The following LRP1B variants were observed in gnomAD, a reference collection of about 807,000 sequenced individuals.
LRP1B encodes LDL receptor related protein 1B.
Under a neutral mutation model 556.6 loss-of-function variants are expected in LRP1B, and 217 were observed. The ratio of observed to expected loss-of-function variants is 0.39; its 90% CI spans 0.35 to 0.44. The LOEUF (loss-of-function observed/expected upper bound fraction) is 0.44, where lower values mean the gene tolerates loss of function less well. Ranked by LOEUF, LRP1B falls within the 20% of genes least tolerant of loss-of-function variation. LRP1B has a pLI of 1.00. For missense variants in LRP1B, 5,053 were observed against 5,620.8 expected (o/e 0.90, Z 3.23); for synonymous variants, 2,047 against 1,865.8 (o/e 1.10, Z -2.50).
At chr2:140,730,356 C>G (rs780466210) in intron 35 of LRP1B, among the ~76,000 whole-genome samples, 19 of 152,174 alleles carry the variant, frequency 1.2e-4, no homozygotes, top group Non-Finnish European at 2.4e-4. Flanking sequence ...GTACATCATA[C>G]AAGGCAATTC....
chr2:141,848,848 A>G (rs911433613), intron 1 of LRP1B, among the ~76,000 whole-genome samples: 6 of 151,490 alleles, frequency 4.0e-5, no homozygotes, highest in Admixed American at 3.3e-4. Context: ...TAAGCAGTTA[A>G]TGAAATTACA....
intron 7 of LRP1B, among the ~76,000 whole-genome samples, chr2:141,187,871 T>G (rs546073476): frequency 6.6e-6 from 1 of 152,094 alleles, no homozygotes; most frequent in Non-Finnish European, 1.5e-5. Flanking sequence ...TGAATTCTGA[T>G]GAGGAATTCA....
intron 2 of LRP1B, among the ~76,000 whole-genome samples, chr2:141,793,602 C>T (rs1463977865): frequency 6.6e-6 from 1 of 151,812 alleles, no homozygotes. Context: ...CTATCATTTG[C>T]TTTTTCATTA....
intron 2 of LRP1B, among the ~76,000 whole-genome samples, chr2:141,647,712 T>TTA (rs1005488402): frequency 5.3e-5 from 8 of 151,618 alleles, no homozygotes; most frequent in African/African-American, 1.7e-4. Context: ...AGTTTTTTTT[T>TTA]TTTTAAATAA....
At chr2:141,586,379 A>C (rs897112078) in intron 2 of LRP1B, among the ~76,000 whole-genome samples, 2 of 152,084 alleles carry the variant, frequency 1.3e-5, no homozygotes, top group African/African-American at 4.8e-5. Context: ...TTTTGTAGAA[A>C]TATAAAGGGA....
intron 1 of LRP1B, among the ~76,000 whole-genome samples, chr2:142,079,568 T>C (rs10186143): frequency 0.98 from 149,527 of 152,012 alleles, 73,576 homozygotes; most frequent in Non-Finnish European, 1. Flanking sequence ...AGTGCAGTGG[T>C]GCTATCTTGG....
At chr2:141,842,251 C>T (rs1697502124) in intron 1 of LRP1B, among the ~76,000 whole-genome samples, 1 of 152,012 alleles carries the variant, frequency 6.6e-6, no homozygotes, top group Non-Finnish European at 1.5e-5. Context: ...TATCAACTTA[C>T]ATATTTGTGT....
chr2:140,654,565 G>T (rs1446440353), intron 41 of LRP1B, among the ~76,000 whole-genome samples: 1 of 152,008 alleles, frequency 6.6e-6, no homozygotes, highest in East Asian at 1.9e-4. Flanking sequence ...TTAAAATGCT[G>T]AATATTAGTC....
intron 25 of LRP1B, among the ~76,000 whole-genome samples, chr2:140,869,651 A>G (rs1693064143): frequency 6.6e-6 from 1 of 152,100 alleles, no homozygotes; most frequent in Non-Finnish European, 1.5e-5. Flanking sequence ...GATTCAAAAT[A>G]TAATTTGAAG....
intron 2 of LRP1B, among the ~76,000 whole-genome samples, chr2:141,601,012 C>T (rs990097990): frequency 1.3e-5 from 2 of 152,096 alleles, no homozygotes; most frequent in Admixed American, 6.6e-5. Context: ...ATATCTATAC[C>T]GGCACTTGGA....
chr2:141,618,212 T>C (rs906348549), intron 2 of LRP1B, among the ~76,000 whole-genome samples: 1 of 152,180 alleles, frequency 6.6e-6, no homozygotes, highest in Non-Finnish European at 1.5e-5. Flanking sequence ...TAGTAATTTA[T>C]GGTCATCCTT....
In LRP1B at chr2:141,905,992, A is replaced by ATGTG. The variant is rs10588603; in HGVS notation, c.83-95595_83-95592dup. ...CATCTCTAAGAGGACTAGACAAGAG[A>ATGTG]TGTGTGTGTGTGTGTGTGTGTGTGT... On this transcript the variant is annotated intron_variant, in intron 1 of 90. Transcript: ENST00000389484. Among the ~76,000 whole-genome samples, 783 of 140,280 alleles carry ATGTG rather than the reference A, an allele frequency of 5.6e-3. 6 individuals carry two copies. The highest frequency in any genetic ancestry group is 0.016 in the African/African-American group (620 of 37,696). The allele number at this position is 140,280 out of a possible 152,430, so 92.0% of individuals were successfully genotyped here. A position where few individuals can be genotyped will look rare whatever the true frequency, so the allele number is the denominator to read the frequency against.
intron 3 of LRP1B, among the ~76,000 whole-genome samples, chr2:141,256,211 G>A (rs560427166): frequency 6.6e-6 from 1 of 151,982 alleles, no homozygotes; most frequent in East Asian, 1.9e-4. Context: ...ATTTGAGTTG[G>A]GACTTAAAAG....
chr2:141,082,824 T>C (rs886601047), intron 7 of LRP1B, among the ~76,000 whole-genome samples: 3 of 152,164 alleles, frequency 2.0e-5, no homozygotes, highest in African/African-American at 4.8e-5. Flanking sequence ...AATAAAACCA[T>C]TGCATTTTAA....
At chr2:141,677,156 G>T (rs2105423027) in intron 2 of LRP1B, among the ~76,000 whole-genome samples, 1 of 152,162 alleles carries the variant, frequency 6.6e-6, no homozygotes, top group Non-Finnish European at 1.5e-5. Context: ...GATACCTGAA[G>T]AACGAATACA....
chr2:140,403,665 TG>T (rs1684604580), intron 66 of LRP1B, among the ~76,000 whole-genome samples: 1 of 152,162 alleles, frequency 6.6e-6, no homozygotes, highest in South Asian at 2.1e-4. Context: ...TTGATGTTTC[TG>T]AGAGAAAAGA....
At chr2:141,448,009 A>C (rs756518570) in intron 3 of LRP1B, among the ~76,000 whole-genome samples, 1 of 152,204 alleles carries the variant, frequency 6.6e-6, no homozygotes, top group Non-Finnish European at 1.5e-5. Context: ...CTGAAGCTGC[A>C]TCCACAGCTG....
In LRP1B at chr2:141,792,347, AT is replaced by A. The variant is rs1695642128; in HGVS notation, c.205+17931del. ...ATCTTGTCTATTGAAATAATAATTT[AT>A]GAATCCATAATTTCATTCCCTTAAA... On this transcript the variant is annotated intron_variant, in intron 2 of 90. Coordinates refer to ENST00000389484, the MANE Select transcript of LRP1B (RefSeq NM_018557.3). Among the ~76,000 whole-genome samples the A allele has an allele frequency of 2.0e-5, 3 of 152,022 alleles. No homozygotes were observed. The South Asian group carries it at 6.2e-4, about 31-fold the overall frequency.
chr2:140,872,388 T>TTTTTTTTTTTTTTTTTTG (rs70991113), intron 25 of LRP1B, among the ~76,000 whole-genome samples: 1 of 132,172 alleles, frequency 7.6e-6, no homozygotes, highest in Non-Finnish European at 1.7e-5. Flanking sequence ...TTTTTTTTTT[T>TTTTTTTTTTTTTTTTTTG]ACTAAAGTAG....
Sources: allele counts gnomAD v4.1 joint callset (sites outside exome capture counted in the v4.1 genomes callset), GRCh38; gene constraint gnomAD v4.1.1; transcripts MANE v1.5; gene names NCBI Gene and HGNC (gene_info 2026-07-23, HGNC 2026-07-21).